Variants in DCDC2C observed in about 807,000 individuals in gnomAD.
The protein encoded by DCDC2C is doublecortin domain containing 2C, also known as doublecortin domain-containing protein 2C.
DCDC2C carries 44 observed loss-of-function variants against 45.0 expected under a neutral mutation model. That is an observed-to-expected ratio of 0.98 (90% confidence interval 0.77 to 1.26). DCDC2C has a LOEUF of 1.26. Among genes scored for constraint, DCDC2C ranks in the 50% most tolerant of loss-of-function variants. The pLI, the probability that DCDC2C is intolerant of heterozygous loss-of-function variation, is 0.00. For missense variants in DCDC2C, 447 were observed against 468.9 expected, an observed-to-expected ratio of 0.95 and a Z score of 0.43; for synonymous variants, 187 against 178.8, an observed-to-expected ratio of 1.05 and a Z score of -0.37.
At chr2:3,737,345 G>A (rs1285838331) in intron 3 of DCDC2C, among the ~76,000 whole-genome samples, 1 of 152,220 alleles carries the variant, frequency 6.6e-6, no homozygotes, top group Non-Finnish European at 1.5e-5. Flanking sequence ...ACCCCAGGAT[G>A]AGGGGAGGGC....
intron 6 of DCDC2C, among the ~76,000 whole-genome samples, chr2:3,764,011 C>A (rs1669953338): frequency 6.6e-6 from 1 of 152,196 alleles, no homozygotes; most frequent in Non-Finnish European, 1.5e-5. Flanking sequence ...GCAACCTTTG[C>A]AGATGTTTAG....
chr2:3,755,867 C>T (rs1212491395), intron 6 of DCDC2C, among the ~76,000 whole-genome samples: 1 of 147,056 alleles, frequency 6.8e-6, no homozygotes, highest in Non-Finnish European at 1.5e-5. Context: ...CATATGGATG[C>T]ATATGTGTGC....
chr2:3,772,068 C>A (rs6759159), intron 8 of DCDC2C, among the ~76,000 whole-genome samples: 21,303 of 152,194 alleles, frequency 0.14, 1,616 homozygotes, highest in East Asian at 0.29. Flanking sequence ...ACACTTTCTC[C>A]AGTGTAGTGG....
chr2:3,710,995 C>G (rs887251137), intron 2 of DCDC2C, among the ~76,000 whole-genome samples: 1 of 152,208 alleles, frequency 6.6e-6, no homozygotes, highest in Non-Finnish European at 1.5e-5. Flanking sequence ...TGAGAAACCT[C>G]CAACGGCCCT....
intron 9 of DCDC2C, among the ~76,000 whole-genome samples, chr2:3,783,249 T>C (rs920059268): frequency 2.0e-5 from 3 of 152,166 alleles, no homozygotes; most frequent in African/African-American, 7.2e-5. Context: ...GAGTGGGAGA[T>C]GGACTCTGAT....
chr2:3,841,969 G>C (rs1337366725), intron 10 of DCDC2C, among the ~76,000 whole-genome samples: 3 of 151,944 alleles, frequency 2.0e-5, no homozygotes, highest in African/African-American at 7.3e-5. Flanking sequence ...TAATCCTACA[G>C]TTCCTAAAGA....
chr2:3,755,372 G>T (rs1158080558), intron 6 of DCDC2C, among the ~76,000 whole-genome samples: 1 of 147,200 alleles, frequency 6.8e-6, no homozygotes, highest in Admixed American at 7.0e-5. Context: ...TGTGTGTATG[G>T]GTGCATGTGT....
rs1251887365 is a variant in DCDC2C, at chr2:3,745,229, G to T, written c.545+3181G>T. ...TTGAACTCCTGACCTCAGGTGATCT[G>T]CCCACCTCGGCCTCCCAAAGTTCTG... On this transcript the variant is annotated intron_variant, in intron 4 of 10. Transcript: ENST00000399143. Among the ~76,000 whole-genome samples, 5 of 152,094 alleles carry T rather than the reference G, an allele frequency of 3.3e-5. No homozygotes were observed. In the East Asian group the frequency reaches 9.6e-4, roughly 29 times the overall value.
intron 10 of DCDC2C, among the ~76,000 whole-genome samples, chr2:3,806,196 C>T (rs1671238629): frequency 6.6e-6 from 1 of 152,198 alleles, no homozygotes. Context: ...CACTTCATGA[C>T]TCCCTTTGCT....
intron 3 of DCDC2C, among the ~76,000 whole-genome samples, chr2:3,740,378 A>G (rs777114505): frequency 2.0e-5 from 3 of 152,206 alleles, no homozygotes; most frequent in Non-Finnish European, 2.9e-5. Context: ...ACATTGATCT[A>G]TTTTGCCAAA....
At chr2:3,846,943 G>A (rs73913832) in intron 10 of DCDC2C, among the ~76,000 whole-genome samples, 3,730 of 152,314 alleles carry the variant, frequency 0.024, 156 homozygotes, top group African/African-American at 0.084. Flanking sequence ...GTTTCCTGCG[G>A]CGGTTCTGCA....
intron 2 of DCDC2C, among the ~76,000 whole-genome samples, chr2:3,725,712 AAGAGT>A (rs1668647881): frequency 2.5e-4 from 19 of 77,408 alleles, no homozygotes; most frequent in East Asian, 4.2e-4. Flanking sequence ...GAGATGAGCA[AAGAGT>A]GACGAGGCTG....
intron 2 of DCDC2C, among the ~76,000 whole-genome samples, chr2:3,711,188 G>C (rs1668199062): frequency 6.6e-6 from 1 of 152,216 alleles, no homozygotes; most frequent in African/African-American, 2.4e-5. Flanking sequence ...TTACACTGTT[G>C]GTGGGAGGGT....
chr2:3,740,453 T>A (rs1669171145), intron 3 of DCDC2C, among the ~76,000 whole-genome samples: 1 of 152,224 alleles, frequency 6.6e-6, no homozygotes, highest in Non-Finnish European at 1.5e-5. Flanking sequence ...TGCCTGTTTC[T>A]CAATACTCAG....
At chr2:3,764,256 A>G (rs1172764753) in intron 6 of DCDC2C, among the ~76,000 whole-genome samples, 1 of 152,218 alleles carries the variant, frequency 6.6e-6, no homozygotes, top group African/African-American at 2.4e-5. Flanking sequence ...ATTGGGTATG[A>G]TTCAATTTGT....
intron 2 of DCDC2C, among the ~76,000 whole-genome samples, chr2:3,715,546 T>A (rs990331955): frequency 4.0e-5 from 6 of 151,038 alleles, no homozygotes; most frequent in Admixed American, 6.6e-5. Context: ...TAATTATGCA[T>A]GTATTCTGCT....
At chr2:3,706,129 A>T (rs1668059533) in intron 1 of DCDC2C, among the ~76,000 whole-genome samples, 1 of 152,198 alleles carries the variant, frequency 6.6e-6, no homozygotes, top group Non-Finnish European at 1.5e-5. Context: ...TAGCTCTTGG[A>T]AATTTATATT....
chr2:3,847,757 T>A lies in DCDC2C; in HGVS notation c.*574T>A, dbSNP rs1672368470. ...GGAGGAGGGGGCCGGTGGGAGGTGATTGAATCATGGGGGTGGTCTTCCCCC... is the reference window on the plus strand; with the variant it reads ...GGAGGAGGGGGCCGGTGGGAGGTGAATGAATCATGGGGGTGGTCTTCCCCC... On this transcript the variant is annotated 3_prime_UTR_variant, in exon 11 of 11. Transcript: ENST00000399143. Among the ~76,000 whole-genome samples, 1 of 152,096 alleles carries A rather than the reference T, an allele frequency of 6.6e-6. No homozygotes were observed. Among genetic ancestry groups the A allele is most frequent in the South Asian group, 2.1e-4 (1 of 4,820 alleles).
At chr2:3,815,000 C>T (rs781732935) in intron 10 of DCDC2C, among the ~76,000 whole-genome samples, 21 of 152,378 alleles carry the variant, frequency 1.4e-4, no homozygotes, top group African/African-American at 1.9e-4. Flanking sequence ...GGCTGCTGCC[C>T]CTACCCGAAG....
Sources: gnomAD v4.1 joint callset for allele counts (sites outside exome capture counted in the v4.1 genomes callset) on GRCh38, gnomAD v4.1.1 for gene constraint, MANE v1.5 for transcripts, NCBI Gene and HGNC (gene_info 2026-07-23, HGNC 2026-07-21) for gene names.